The following PREX1 variants were observed in gnomAD, a reference collection of about 807,000 sequenced individuals.
PREX1 encodes the protein phosphatidylinositol-3,4,5-trisphosphate dependent Rac exchange factor 1, also known as phosphatidylinositol 3,4,5-trisphosphate-dependent Rac exchanger 1 protein.
A neutral mutation model predicts 198.3 loss-of-function variants in PREX1; 41 were observed. The observed-to-expected ratio is 0.21, with a 90% CI of 0.16 to 0.27. PREX1 has a LOEUF of 0.27. PREX1 is among the 10% of genes least tolerant of loss of function. The pLI is 1.00. For synonymous variants in PREX1, 843 were observed against 887.2 expected, an observed-to-expected ratio of 0.95 and a Z score of 0.89; for missense variants, 1,620 against 2,200.7, an observed-to-expected ratio of 0.74 and a Z score of 5.28.
chr20:48,660,805 G>T (rs1453072951), intron 15 of PREX1, among the ~76,000 whole-genome samples: 1 of 152,156 alleles, frequency 6.6e-6, no homozygotes, highest in Non-Finnish European at 1.5e-5. Context: ...AGATAAATGG[G>T]CAAAGGATAT....
In PREX1 at chr20:48,651,050, G is replaced by A. The variant is rs780759582; in HGVS notation, c.2661C>T (p.Leu887=). ...RGCFGLTAKI[L]EAFAANDSVF... ...CGCTGTCATTGGCAGCAAAGGCCTC[G>A]AGGATCTGCAGAAATGTCAACAGCT... Residue 887 remains leucine, a synonymous_variant, in exon 23 of 40, where the codon CTC becomes CTT. Coordinates refer to ENST00000371941, the MANE Select transcript of PREX1 (RefSeq NM_020820.4). 6.2e-6 allele frequency: 10 copies of A among 1,613,942 alleles called. No homozygotes were observed. The highest frequency in any genetic ancestry group is 3.3e-4 in the Middle Eastern group (2 of 6,062).
At chr20:48,667,371 C>T (rs755649050) in intron 14 of PREX1, among the ~76,000 whole-genome samples, 6 of 152,158 alleles carry the variant, frequency 3.9e-5, no homozygotes, top group East Asian at 1.9e-4. Flanking sequence ...GCTAATAAGA[C>T]GACTGGGGAA....
At chr20:48,683,815 GT>G (rs2089768278) in intron 10 of PREX1, among the ~76,000 whole-genome samples, 1 of 152,150 alleles carries the variant, frequency 6.6e-6, no homozygotes, top group Non-Finnish European at 1.5e-5. Context: ...AGGAAAACAT[GT>G]CTGCTAACTC....
rs545036990 is a variant in PREX1, at chr20:48,815,101, T to A, written c.219+12541A>T. 2.6e-5 allele frequency among the ~76,000 whole-genome samples: 4 copies of A among 152,318 alleles called. No individual in the cohort carries two copies. In the South Asian group the frequency reaches 6.2e-4, roughly 24 times the overall value. On this transcript the variant is annotated intron_variant, in intron 1 of 39. Transcript: ENST00000371941. ...CACCAGGAAGACATAATCATAAATGTGTATTTCCAGCAAGAGAACTTTAAA... is the reference window on the plus strand; with the variant it reads ...CACCAGGAAGACATAATCATAAATGAGTATTTCCAGCAAGAGAACTTTAAA...
chr20:48,870,473 C>T, the PREX1 span, among the ~76,000 whole-genome samples: 13 of 152,176 alleles, frequency 8.5e-5, no homozygotes, highest in African/African-American at 2.7e-4. Flanking sequence ...TTCTGGGATC[C>T]CTCAACTTTG....
At chr20:48,776,692 T>C (rs1429509547) in intron 1 of PREX1, among the ~76,000 whole-genome samples, 1 of 152,176 alleles carries the variant, frequency 6.6e-6, no homozygotes, top group Non-Finnish European at 1.5e-5. Context: ...TTTGCTCCCA[T>C]GGCCACTCAG....
intron 13 of PREX1, among the ~76,000 whole-genome samples, chr20:48,678,125 C>T (rs543865450): frequency 2.0e-5 from 3 of 152,290 alleles, no homozygotes; most frequent in Non-Finnish European, 4.4e-5. Flanking sequence ...CCCAGCCTGG[C>T]CAACATGGTG....
At chr20:48,863,357 C>G in the PREX1 span, among the ~76,000 whole-genome samples, 1 of 152,106 alleles carries the variant, frequency 6.6e-6, no homozygotes, top group Non-Finnish European at 1.5e-5. Flanking sequence ...CAGGTCTTGG[C>G]AAATGTATGA....
Position 48,761,590 on chromosome 20 carries a change from T to A in PREX1, c.220-13710A>T, listed in dbSNP as rs539913963. Among the ~76,000 whole-genome samples the A allele has an allele frequency of 2.0e-4, 31 of 151,786 alleles. No individual in the cohort carries two copies. The South Asian group carries it at 6.3e-3, about 31-fold the overall frequency. ...GCAAAAAACAAGTTGCAACAACCTGTCATGAAGAGGTCTGATGCAACAGTG... is the reference window on the plus strand; with the variant it reads ...GCAAAAAACAAGTTGCAACAACCTGACATGAAGAGGTCTGATGCAACAGTG... On this transcript the variant is annotated intron_variant, in intron 1 of 39. Transcript: ENST00000371941.
chr20:48,693,599 A>G (rs756642535), intron 7 of PREX1, among the ~76,000 whole-genome samples: 3 of 152,080 alleles, frequency 2.0e-5, no homozygotes, highest in Non-Finnish European at 4.4e-5. Context: ...TACTTATTTT[A>G]TTTTATTAAT....
chr20:48,835,400 G>A, the PREX1 span, among the ~76,000 whole-genome samples: 1 of 152,182 alleles, frequency 6.6e-6, no homozygotes, highest in Admixed American at 6.5e-5. Context: ...AATAAATAAA[G>A]ACCCCCAATA....
At chr20:48,805,789 C>T (rs1001968942) in intron 1 of PREX1, among the ~76,000 whole-genome samples, 3 of 152,170 alleles carry the variant, frequency 2.0e-5, no homozygotes, top group African/African-American at 7.2e-5. Flanking sequence ...CCTCAGGGAT[C>T]GAGACCCAGG....
chr20:48,756,428 T>A (rs532894689), intron 1 of PREX1, among the ~76,000 whole-genome samples: 111 of 152,174 alleles, frequency 7.3e-4, no homozygotes, highest in Non-Finnish European at 1.4e-3. Flanking sequence ...CGCTGACTCA[T>A]TCAGTCACAG....
the PREX1 span, among the ~76,000 whole-genome samples, chr20:48,866,784 C>A: frequency 1.3e-5 from 2 of 152,066 alleles, no homozygotes; most frequent in African/African-American, 2.4e-5. Flanking sequence ...ATAAAATTAG[C>A]CAAGTATGGT....
At chr20:48,644,343 A>C in intron 27 of PREX1, 66 bp downstream of exon 27, 1 of 1,350,640 alleles carries the variant, frequency 7.4e-7, no homozygotes, top group Admixed American at 1.9e-5. Context: ...AATAAAATAA[A>C]CTAAAACTAA....
At chr20:48,629,893 C>T (rs1376890135) in intron 36 of PREX1, among the ~76,000 whole-genome samples, 2 of 152,182 alleles carry the variant, frequency 1.3e-5, no homozygotes, top group African/African-American at 4.8e-5. Context: ...CTTCACCTGC[C>T]CAGGTGTGTC....
chr20:48,779,102 A>G (rs768713534), intron 1 of PREX1, among the ~76,000 whole-genome samples: 3 of 152,262 alleles, frequency 2.0e-5, no homozygotes, highest in Non-Finnish European at 2.9e-5. Context: ...TTTACAAATG[A>G]CATATCTGAC....
the PREX1 span, among the ~76,000 whole-genome samples, chr20:48,883,931 C>G: frequency 1.5e-4 from 23 of 152,084 alleles, no homozygotes; most frequent in Non-Finnish European, 2.2e-4. Flanking sequence ...ACGAGGTCAG[C>G]AGATCCAGAC....
intron 5 of PREX1, among the ~76,000 whole-genome samples, chr20:48,714,337 CTAA>C (rs1296116524): frequency 3.9e-5 from 6 of 152,100 alleles, no homozygotes; most frequent in Non-Finnish European, 8.8e-5. Flanking sequence ...GACAATCTGC[CTAA>C]TGAGGAAAAT....
Sources: gnomAD v4.1 joint callset for allele counts (sites outside exome capture counted in the v4.1 genomes callset) on GRCh38, gnomAD v4.1.1 for gene constraint, MANE v1.5 for transcripts, NCBI Gene and HGNC (gene_info 2026-07-23, HGNC 2026-07-21) for gene names.